SRBD1: variants seen among roughly 807,000 people sequenced by gnomAD.
SRBD1 encodes S1 RNA binding domain 1, also known as S1 RNA-binding domain-containing protein 1.
In SRBD1, 88 loss-of-function variants were observed where a neutral mutation model predicts 115.3. The observed-to-expected ratio is 0.76, with a 90% CI of 0.64 to 0.91. The LOEUF (loss-of-function observed/expected upper bound fraction) is 0.91, where lower values mean the gene tolerates loss of function less well. Ranked by LOEUF, SRBD1 falls within the 40% of genes least tolerant of loss-of-function variation. SRBD1 has a pLI of 0.00. For missense variants in SRBD1, 1,385 were observed against 1,177.4 expected (o/e 1.18, Z -2.58); for synonymous variants, 509 against 407.7 (o/e 1.25, Z -2.99).
intron 15 of SRBD1, among the ~76,000 whole-genome samples, chr2:45,486,042 C>A (rs535168694): frequency 6.6e-6 from 1 of 152,312 alleles, no homozygotes; most frequent in Admixed American, 6.5e-5. Context: ...ACTGATGACA[C>A]AGCTAGACTT....
intron 14 of SRBD1, among the ~76,000 whole-genome samples, chr2:45,531,211 GTCT>G (rs1671601908): frequency 1.3e-5 from 2 of 151,882 alleles, no homozygotes; most frequent in South Asian, 4.1e-4. Flanking sequence ...ACAGGCCAAA[GTCT>G]TTAATTCAAC....
intron 14 of SRBD1, among the ~76,000 whole-genome samples, chr2:45,540,059 T>C (rs1422174693): frequency 6.6e-6 from 1 of 152,112 alleles, no homozygotes; most frequent in Non-Finnish European, 1.5e-5. Flanking sequence ...AAAAATTGAA[T>C]GGGCCAGGCA....
At chr2:45,480,055 T>C (rs1012956177) in intron 15 of SRBD1, among the ~76,000 whole-genome samples, 1 of 152,170 alleles carries the variant, frequency 6.6e-6, no homozygotes, top group Non-Finnish European at 1.5e-5. Flanking sequence ...CTGAATATTT[T>C]AAGCTCACTG....
At chr2:45,516,882 C>T (rs899756861) in intron 14 of SRBD1, among the ~76,000 whole-genome samples, 2 of 152,114 alleles carry the variant, frequency 1.3e-5, no homozygotes, top group African/African-American at 2.4e-5. Flanking sequence ...AATTGAGTCA[C>T]TCAATGTATG....
Position 45,599,763 on chromosome 2 carries a change from T to A in SRBD1, c.334A>T (p.Lys112Ter). Residue 112 changes from lysine to a stop codon, truncating the protein, a stop_gained, in exon 4 of 21, where the codon AAA (lysine) becomes TAA (stop). Transcript: ENST00000263736. LOFTEE classifies it high-confidence loss of function. ...KNKLDTVQTL[K>*]TAKTKQKCAA... ...CATTTCTGTTTTGTCTTGGCTGTTTTCAGAGTCTGTACAGTATCCAATTTA... is the reference window on the plus strand; with the variant it reads ...CATTTCTGTTTTGTCTTGGCTGTTTACAGAGTCTGTACAGTATCCAATTTA... The A allele has an allele frequency of 6.2e-7, 1 of 1,614,196 alleles. No homozygotes were observed. The highest frequency in any genetic ancestry group is 8.5e-7 in the Non-Finnish European group (1 of 1,180,034).
At chr2:45,556,307 T>C (rs1432124342) in intron 10 of SRBD1, among the ~76,000 whole-genome samples, 1 of 151,748 alleles carries the variant, frequency 6.6e-6, no homozygotes, top group Admixed American at 6.6e-5. Context: ...GAAACAAATA[T>C]CTAAACAAAT....
intron 16 of SRBD1, among the ~76,000 whole-genome samples, chr2:45,424,423 A>T (rs547366706): frequency 6.6e-6 from 1 of 152,280 alleles, no homozygotes; most frequent in African/African-American, 2.4e-5. Context: ...CCAAAATTTG[A>T]AAAAACGGCT....
chr2:45,501,931 GA>G (rs996358505), intron 14 of SRBD1, among the ~76,000 whole-genome samples: 2 of 152,194 alleles, frequency 1.3e-5, no homozygotes, highest in Admixed American at 6.5e-5. Flanking sequence ...TGACAGCTTT[GA>G]AGAGAGTAGT....
intron 9 of SRBD1, among the ~76,000 whole-genome samples, chr2:45,565,195 A>G (rs1002056179): frequency 6.6e-6 from 1 of 152,226 alleles, no homozygotes. Flanking sequence ...TTAAAAATCA[A>G]AATAAACTTG....
chr2:45,528,514 T>C (rs939746974), intron 14 of SRBD1, among the ~76,000 whole-genome samples: 2 of 151,720 alleles, frequency 1.3e-5, no homozygotes, highest in Admixed American at 1.3e-4. Flanking sequence ...ACATAAAAAA[T>C]AGGTTTGGGA....
intron 4 of SRBD1, among the ~76,000 whole-genome samples, chr2:45,589,828 TAATC>T (rs1224127100): frequency 3.3e-5 from 5 of 152,186 alleles, no homozygotes; most frequent in Non-Finnish European, 5.9e-5. Flanking sequence ...AAGCCAATGA[TAATC>T]AAGATGTAAA....
intron 16 of SRBD1, among the ~76,000 whole-genome samples, chr2:45,453,455 T>C (rs1485350586): frequency 6.6e-6 from 1 of 151,902 alleles, no homozygotes; most frequent in African/African-American, 2.4e-5. Flanking sequence ...AATACAATAA[T>C]GTCAAAATAA....
chr2:45,392,830 T>A (rs1667040407), intron 20 of SRBD1, 115 bp downstream of exon 20: 2 of 989,444 alleles, frequency 2.0e-6, no homozygotes, highest in Non-Finnish European at 2.9e-6. Flanking sequence ...TTCTCATGTA[T>A]AAAATGGGAG....
rs778017328 is a variant in SRBD1, at chr2:45,601,945, C to G, written c.219G>C (p.Gln73His). 2.4e-5 allele frequency: 38 copies of G among 1,614,100 alleles called. No individual in the cohort carries two copies. Among genetic ancestry groups the G allele is most frequent in the Non-Finnish European group, 3.2e-5 (38 of 1,180,038 alleles). ...CAACGACTTCTGAGCCATCACTGAT[C>G]TGTGGGGCATTCTTCTTCACCCGAG... ...RMPRVKKNAP[Q>H]ISDGSEVVVV... Residue 73 changes from glutamine to histidine, a missense_variant, in exon 3 of 21, where the codon CAG (glutamine) becomes CAC (histidine). Coordinates refer to ENST00000263736, the MANE Select transcript of SRBD1 (RefSeq NM_018079.5).
intron 14 of SRBD1, among the ~76,000 whole-genome samples, chr2:45,489,883 G>C (rs923747533): frequency 1.3e-5 from 2 of 152,036 alleles, no homozygotes; most frequent in Non-Finnish European, 1.5e-5. Flanking sequence ...AACAACCAAC[G>C]CAACATATTT....
chr2:45,414,957 CACACAT>C (rs1192997963), intron 18 of SRBD1, among the ~76,000 whole-genome samples: 2 of 112,174 alleles, frequency 1.8e-5, no homozygotes, highest in Admixed American at 9.5e-5. Context: ...TGTACATACA[CACACAT>C]ATAGTGTGTA....
intron 7 of SRBD1, among the ~76,000 whole-genome samples, chr2:45,578,632 G>T (rs1476910203): frequency 6.6e-6 from 1 of 151,988 alleles, no homozygotes. Context: ...ATCAGAGACT[G>T]CCCCCTACAG....
intron 4 of SRBD1, among the ~76,000 whole-genome samples, chr2:45,588,425 C>T (rs537390130): frequency 6.6e-6 from 1 of 152,274 alleles, no homozygotes; most frequent in Non-Finnish European, 1.5e-5. Context: ...TTGTTATCTT[C>T]CCTGACCCTC....
intron 19 of SRBD1, among the ~76,000 whole-genome samples, chr2:45,399,130 T>C (rs1667226227): frequency 1.3e-5 from 2 of 151,872 alleles, no homozygotes; most frequent in African/African-American, 2.4e-5. Flanking sequence ...CCTTTTCCTG[T>C]GAGTATGGTT....
Sources: allele counts gnomAD v4.1 joint callset (sites outside exome capture counted in the v4.1 genomes callset), GRCh38; gene constraint gnomAD v4.1.1; transcripts MANE v1.5; gene names NCBI Gene and HGNC (gene_info 2026-07-23, HGNC 2026-07-21).